The following ZNF532 variants were observed in gnomAD, a reference collection of about 807,000 sequenced individuals.
ZNF532 encodes the protein zinc finger protein 532.
In ZNF532, 22 loss-of-function variants were observed where a neutral mutation model predicts 89.3. The observed-to-expected ratio is 0.25, with a 90% CI of 0.18 to 0.35. ZNF532 has a LOEUF of 0.35. Ranked by LOEUF, ZNF532 falls within the 10% of genes least tolerant of loss-of-function variation. The probability of loss-of-function intolerance (pLI) is 1.00; values close to 1 mark genes in which losing one functional copy is unlikely to be tolerated. For missense variants in ZNF532, 1,132 were observed against 1,643.4 expected (o/e 0.69, Z 5.38); for synonymous variants, 606 against 649.6 (o/e 0.93, Z 1.02).
At chr18:58,905,194 A>G (rs930351978) in intron 2 of ZNF532, among the ~76,000 whole-genome samples, 1 of 152,100 alleles carries the variant, frequency 6.6e-6, no homozygotes, top group African/African-American at 2.4e-5. Flanking sequence ...CATCATTTTG[A>G]TTAGTCGCTG....
intron 6 of ZNF532, among the ~76,000 whole-genome samples, chr18:58,951,839 C>T (rs1262589332): frequency 3.9e-5 from 6 of 151,960 alleles, no homozygotes; most frequent in South Asian, 4.2e-4. Context: ...TTAGTAGAGA[C>T]GGGGTTTCAC....
At chr18:58,881,706 C>T (rs1171833296) in intron 2 of ZNF532, among the ~76,000 whole-genome samples, 4 of 152,182 alleles carry the variant, frequency 2.6e-5, no homozygotes, top group African/African-American at 9.7e-5. Flanking sequence ...GTGTCAGGCT[C>T]AGATATCTTT....
intron 3 of ZNF532, among the ~76,000 whole-genome samples, chr18:58,920,932 TG>T (rs1568329948): frequency 6.6e-6 from 1 of 151,514 alleles, no homozygotes; most frequent in African/African-American, 2.4e-5. Context: ...GTGGCAGTGG[TG>T]GTTGTGGTTG....
chr18:58,948,404 G>GGTGCTTTT, intron 6 of ZNF532, among the ~76,000 whole-genome samples, 175 bp downstream of exon 6: 1 of 152,180 alleles, frequency 6.6e-6, no homozygotes, highest in South Asian at 2.1e-4. Context: ...ACTTGACTGT[G>GGTGCTTTT]GTGCTTTTCA....
chr18:58,978,448 A>G (rs1179497303), intron 7 of ZNF532, among the ~76,000 whole-genome samples: 1 of 152,204 alleles, frequency 6.6e-6, no homozygotes, highest in African/African-American at 2.4e-5. Flanking sequence ...ATGGTTTCAT[A>G]TATTATCTTT....
Position 58,953,613 on chromosome 18 carries a change from T to C in ZNF532, c.2964T>C (p.Asn988=). 1 of 1,613,848 alleles carries C rather than the reference T, an allele frequency of 6.2e-7. No individual in the cohort carries two copies. The highest frequency in any genetic ancestry group is 8.5e-7 in the Non-Finnish European group (1 of 1,179,824). ...AGCCTGCAACTCAAAATTCAGCAAA[T>C]CAGAACAAAGAGGACACCAAATCCA... ...SIKPATQNSA[N]QNKEDTKSMN... The change falls in exon 7 of 10, where the codon AAT becomes AAC. Residue 988 remains asparagine (N), a synonymous_variant. Coordinates refer to ENST00000591808, the MANE Select transcript of ZNF532 (RefSeq NM_001375912.1).
intron 2 of ZNF532, among the ~76,000 whole-genome samples, chr18:58,911,529 G>A (rs2060283706): frequency 6.6e-6 from 1 of 152,180 alleles, no homozygotes. Flanking sequence ...TTTGAGACCA[G>A]TCTGGGTGAG....
chr18:58,899,748 T>A (rs972321939), intron 2 of ZNF532, among the ~76,000 whole-genome samples: 3 of 152,206 alleles, frequency 2.0e-5, no homozygotes, highest in Non-Finnish European at 4.4e-5. Flanking sequence ...ATGACAGGCG[T>A]GAGCCACTGT....
intron 2 of ZNF532, among the ~76,000 whole-genome samples, chr18:58,876,311 C>G (rs936545515): frequency 1.3e-5 from 2 of 152,126 alleles, no homozygotes; most frequent in Non-Finnish European, 2.9e-5. Context: ...TTCTAAGTAG[C>G]CTCCTGGTGC....
At position 58,978,525 on chromosome 18, in the gene ZNF532, T is replaced by C. The variant is rs965428130; in HGVS notation, c.3151-530T>C. 2.0e-5 allele frequency among the ~76,000 whole-genome samples: 3 copies of C among 152,168 alleles called. No individual in the cohort carries two copies. In the South Asian group the frequency reaches 6.2e-4, roughly 32 times the overall value. On this transcript the variant is annotated intron_variant, in intron 7 of 9. Coordinates refer to ENST00000591808, the MANE Select transcript of ZNF532 (RefSeq NM_001375912.1). ...GTTTGTGTTGAATCAAAAACCTGTGTTTTTGAGAGAGAATTTTTTTTACCC... is the reference window on the plus strand; with the variant it reads ...GTTTGTGTTGAATCAAAAACCTGTGCTTTTGAGAGAGAATTTTTTTTACCC...
chr18:58,903,829 T>C (rs1399487492), intron 2 of ZNF532, among the ~76,000 whole-genome samples: 1 of 152,194 alleles, frequency 6.6e-6, no homozygotes, highest in African/African-American at 2.4e-5. Context: ...TGTGGTTTGA[T>C]GTGGGGGTGT....
At chr18:58,941,193 T>A (rs1008202267) in intron 5 of ZNF532, among the ~76,000 whole-genome samples, 1 of 152,160 alleles carries the variant, frequency 6.6e-6, no homozygotes, top group Non-Finnish European at 1.5e-5. Context: ...ACTCTGAAGA[T>A]GGGGATTAGT....
At chr18:58,885,208 C>T (rs1339055800) in intron 2 of ZNF532, among the ~76,000 whole-genome samples, 7 of 152,060 alleles carry the variant, frequency 4.6e-5, no homozygotes, top group African/African-American at 7.2e-5. Flanking sequence ...AGGCTGGTCT[C>T]GAACTCCCGA....
intron 2 of ZNF532, among the ~76,000 whole-genome samples, chr18:58,872,991 C>G (rs887497579): frequency 6.6e-6 from 1 of 152,158 alleles, no homozygotes; most frequent in Admixed American, 6.5e-5. Flanking sequence ...AGCCAACACA[C>G]CCGGCCTAAA....
At chr18:58,896,839 G>T (rs571568503) in intron 2 of ZNF532, among the ~76,000 whole-genome samples, 1 of 152,322 alleles carries the variant, frequency 6.6e-6, no homozygotes, top group Non-Finnish European at 1.5e-5. Flanking sequence ...ACAGGAGGAA[G>T]ATAGCCTAGG....
At position 58,920,275 on chromosome 18, in the gene ZNF532, C is replaced by G. The variant is rs1383829965; in HGVS notation, c.1988C>G (p.Ser663Cys). The G allele has an allele frequency of 1.2e-5, 20 of 1,613,882 alleles. No individual in the cohort carries two copies. The Admixed American group carries it at 3.3e-4, about 27-fold the overall frequency. ...TTTTACAACAAATGCAGCCTCCTTTCCCATGCCCGTGGGCATAAGGAGAAA... is the reference window on the plus strand; with the variant it reads ...TTTTACAACAAATGCAGCCTCCTTTGCCATGCCCGTGGGCATAAGGAGAAA... ...LVFYNKCSLL[S>C]HARGHKEKGV... The change falls in exon 3 of 10, where the codon TCC becomes TGC. Residue 663 changes from serine (S) to cysteine (C), a missense_variant. By Grantham distance (112) the Ser-to-Cys change is moderately radical. Coordinates refer to ENST00000591808, the MANE Select transcript of ZNF532 (RefSeq NM_001375912.1).
intron 2 of ZNF532, among the ~76,000 whole-genome samples, chr18:58,912,333 G>T (rs1178071508): frequency 6.6e-6 from 1 of 152,150 alleles, no homozygotes; most frequent in Admixed American, 6.5e-5. Context: ...AACTATTTTG[G>T]ATAGTAGCAA....
chr18:58,955,514 A>G (rs1359786162), intron 7 of ZNF532, among the ~76,000 whole-genome samples: 1 of 152,250 alleles, frequency 6.6e-6, no homozygotes, highest in Non-Finnish European at 1.5e-5. Flanking sequence ...TATACACTAC[A>G]TCTTTGAGCA....
chr18:58,899,010 C>T (rs936125494), intron 2 of ZNF532, among the ~76,000 whole-genome samples: 9 of 152,394 alleles, frequency 5.9e-5, no homozygotes, highest in African/African-American at 1.9e-4. Flanking sequence ...ACCACGCAGG[C>T]CGGGGCAGAG....
Sources: gnomAD v4.1 joint callset for allele counts (sites outside exome capture counted in the v4.1 genomes callset) on GRCh38, gnomAD v4.1.1 for gene constraint, MANE v1.5 for transcripts, NCBI Gene and HGNC (gene_info 2026-07-23, HGNC 2026-07-21) for gene names.